Variants in ITPRID1 observed in about 807,000 individuals in gnomAD.
ITPRID1 encodes protein ITPRID1.
ITPRID1 carries 96 observed loss-of-function variants against 95.4 expected under a neutral mutation model. The ratio of observed to expected loss-of-function variants is 1.01; its 90% CI spans 0.85 to 1.19. ITPRID1 has a LOEUF of 1.19. Among genes scored for constraint, ITPRID1 ranks in the 50% most tolerant of loss-of-function variants. ITPRID1 has a pLI of 0.00. For synonymous variants in ITPRID1, 510 were observed against 453.6 expected, an observed-to-expected ratio of 1.12 and a Z score of -1.58; for missense variants, 1,339 against 1,252.9, an observed-to-expected ratio of 1.07 and a Z score of -1.04.
intron 10 of ITPRID1, among the ~76,000 whole-genome samples, chr7:31,627,657 CT>C (rs1313822206): frequency 1.0e-4 from 1 of 9,700 alleles, no homozygotes; most frequent in Non-Finnish European, 2.0e-4. Flanking sequence ...AAGACACTGT[CT>C]CAAAAAAAAA....
chr7:31,628,375 G>A (rs1788669538), intron 10 of ITPRID1, among the ~76,000 whole-genome samples: 1 of 152,022 alleles, frequency 6.6e-6, no homozygotes, highest in Non-Finnish European at 1.5e-5. Flanking sequence ...AATGCCTTCT[G>A]ACTCTGATGG....
At chr7:31,546,966 A>G (rs1297436225) in intron 1 of ITPRID1, among the ~76,000 whole-genome samples, 1 of 152,114 alleles carries the variant, frequency 6.6e-6, no homozygotes, top group Admixed American at 6.6e-5. Context: ...AAGCTTGAGG[A>G]AAAAAGCTTT....
At chr7:31,531,187 C>A (rs1783585884) in intron 1 of ITPRID1, among the ~76,000 whole-genome samples, 1 of 152,134 alleles carries the variant, frequency 6.6e-6, no homozygotes, top group Non-Finnish European at 1.5e-5. Context: ...GGAAATCCTG[C>A]AGAGTTTGCA....
intron 6 of ITPRID1, 45 bp from the exon 7 acceptor site, chr7:31,572,057 T>A: frequency 2.4e-6 from 3 of 1,246,178 alleles, no homozygotes; most frequent in Non-Finnish European, 3.5e-6. Flanking sequence ...CCCAGGAGAC[T>A]ATCTAAATCA....
chr7:31,518,481 A>G (rs1783118948), intron 1 of ITPRID1: 1 of 152,396 alleles, frequency 6.6e-6, no homozygotes, highest in Non-Finnish European at 1.5e-5. Context: ...GGAATTGGAT[A>G]GCTGGAGAAT....
chr7:31,559,666 G>GA lies in ITPRID1; in HGVS notation c.256+4773dup, dbSNP rs923180673. On this transcript the variant is annotated intron_variant, in intron 5 of 14. Coordinates refer to ENST00000615280, the MANE Select transcript of ITPRID1 (RefSeq NM_001257967.3). ...GGTGACAGAGTGAGACTCTGTCTCA[G>GA]AAAAAAAAGAAACACTGATGTCCAT... Among the ~76,000 whole-genome samples the GA allele has an allele frequency of 3.3e-4, 50 of 151,790 alleles. 1 individual carries two copies. In the East Asian group the frequency reaches 4.5e-3, roughly 14 times the overall value.
At chr7:31,541,161 T>C (rs1257758314) in intron 1 of ITPRID1, among the ~76,000 whole-genome samples, 1 of 152,162 alleles carries the variant, frequency 6.6e-6, no homozygotes, top group Non-Finnish European at 1.5e-5. Flanking sequence ...TGTCAATAAC[T>C]CAAAAGTTTA....
chr7:31,548,287 C>T (rs186759331), intron 1 of ITPRID1, among the ~76,000 whole-genome samples: 77 of 152,124 alleles, frequency 5.1e-4, no homozygotes, highest in Middle Eastern at 6.8e-3. Flanking sequence ...GACAGAAATA[C>T]CATACTAAAA....
At chr7:31,531,597 C>T (rs1487549418) in intron 1 of ITPRID1, among the ~76,000 whole-genome samples, 1 of 152,092 alleles carries the variant, frequency 6.6e-6, no homozygotes, top group Non-Finnish European at 1.5e-5. Context: ...ATGCGTGAAA[C>T]CAAAGAAATG....
chr7:31,642,938 C>T lies in ITPRID1; in HGVS notation c.1568C>T (p.Ala523Val). ...CCAGAGCTGTATATCCCAGACATGGCCTGTGCCAAGACCACCACGAGGGGA... is the reference window on the plus strand; with the variant it reads ...CCAGAGCTGTATATCCCAGACATGGTCTGTGCCAAGACCACCACGAGGGGA... ...GPPELYIPDM[A>V]CAKTTTRGEC... The change falls in exon 12 of 15, where the codon GCC becomes GTC. Residue 523 changes from alanine to valine, a missense_variant. Physicochemically the swap from Ala to Val is moderately conservative, Grantham distance 64. Coordinates refer to ENST00000615280, the MANE Select transcript of ITPRID1 (RefSeq NM_001257967.3). The T allele has an allele frequency of 6.2e-7, 1 of 1,614,030 alleles. No individual in the cohort carries two copies. Among genetic ancestry groups the T allele is most frequent in the Non-Finnish European group, 8.5e-7 (1 of 1,179,894 alleles).
chr7:31,651,766 TG>T (rs1171556747), intron 13 of ITPRID1, among the ~76,000 whole-genome samples, 172 bp from the exon 14 acceptor site: 1 of 133,434 alleles, frequency 7.5e-6, no homozygotes, highest in Non-Finnish European at 1.6e-5. Flanking sequence ...GCAATAAAGT[TG>T]TTTTTTTTTT....
chr7:31,658,384 C>CT (rs1791390451), downstream of ITPRID1: 3 of 1,505,032 alleles, frequency 2.0e-6, no homozygotes, highest in Non-Finnish European at 1.8e-6. Context: ...AGACTCTGGT[C>CT]TGTTGTAATT....
Position 31,642,219 on chromosome 7 carries a change from C to T in ITPRID1, c.1272C>T (p.Ser424=), listed in dbSNP as rs370130726. 6.2e-5 allele frequency: 96 copies of T among 1,560,044 alleles called. No homozygotes were observed. Among genetic ancestry groups the T allele is most frequent in the Non-Finnish European group, 7.6e-5 (88 of 1,152,718 alleles). Residue 424 remains serine, a synonymous_variant, in exon 11 of 15, where the codon AGC becomes AGT. Transcript: ENST00000615280. ...DRANSCQSDS[S]GFLEEPLEPL... is the part of the protein sequence containing the mutation. ...CAAATAGCTGCCAGTCTGACAGCAG[C>T]GGGTTCCTGGAGGAGCCGCTGGAAC...
At chr7:31,563,667 A>G (rs555798621) in intron 5 of ITPRID1, among the ~76,000 whole-genome samples, 32 of 152,302 alleles carry the variant, frequency 2.1e-4, no homozygotes, top group Admixed American at 1.9e-3. Context: ...GGAATGACAG[A>G]TGCAGTGTTT....
At chr7:31,656,538 G>A, downstream of ITPRID1, 1 of 854,312 alleles carries the variant, frequency 1.2e-6, no homozygotes, top group South Asian at 5.4e-5. Flanking sequence ...AGAACTGTTA[G>A]CAAAGTACTT....
chr7:31,566,953 C>T (rs570420517), intron 5 of ITPRID1, among the ~76,000 whole-genome samples: 1 of 152,154 alleles, frequency 6.6e-6, no homozygotes, highest in South Asian at 2.1e-4. Flanking sequence ...TGGAAGAGCA[C>T]TACATTCAGA....
chr7:31,542,657 CAA>C (rs1015610895), intron 1 of ITPRID1, among the ~76,000 whole-genome samples: 1 of 152,044 alleles, frequency 6.6e-6, no homozygotes, highest in African/African-American at 2.4e-5. Flanking sequence ...TTCATTAAAC[CAA>C]TATTAACGTT....
At chr7:31,574,487 A>C in intron 7 of ITPRID1, 53 bp from the exon 8 acceptor site, 1 of 1,532,592 alleles carries the variant, frequency 6.5e-7, no homozygotes, top group Non-Finnish European at 9.0e-7. Flanking sequence ...CCAGAAAAAA[A>C]TGGTGTTGGG....
chr7:31,645,573 G>T (rs567667850), intron 12 of ITPRID1, among the ~76,000 whole-genome samples: 13 of 152,166 alleles, frequency 8.5e-5, no homozygotes, highest in Non-Finnish European at 1.6e-4. Context: ...GGTAACAGTA[G>T]GGTCGTCATC....
Sources: gnomAD v4.1 joint callset for allele counts (sites outside exome capture counted in the v4.1 genomes callset) on GRCh38, gnomAD v4.1.1 for gene constraint, MANE v1.5 for transcripts, NCBI Gene and HGNC (gene_info 2026-07-23, HGNC 2026-07-21) for gene names.